The following GSTA1 variants were observed in gnomAD, a reference collection of about 807,000 sequenced individuals.
GSTA1 encodes glutathione S-transferase alpha 1.
A neutral mutation model predicts 21.5 loss-of-function variants in GSTA1; 23 were observed. The ratio of observed to expected loss-of-function variants is 1.07; its 90% CI spans 0.77 to 1.52. GSTA1 has a LOEUF of 1.52. Ranked by LOEUF, GSTA1 falls within the 40% of genes most tolerant of loss-of-function variation. GSTA1 has a pLI of 0.00. For missense variants in GSTA1, 301 were observed against 264.2 expected, an observed-to-expected ratio of 1.14 and a Z score of -0.96; for synonymous variants, 125 against 90.0, an observed-to-expected ratio of 1.39 and a Z score of -2.20.
Position 52,791,805 on chromosome 6 carries a change from G to A in GSTA1, c.*53C>T. On this transcript the variant is annotated 3_prime_UTR_variant, in exon 7 of 7. Transcript: ENST00000334575. ...CACTTAGGTAAAGTACTTTATTGTT[G>A]CAAAACTTTAGAACATTGGTATTGC... The A allele has an allele frequency of 6.2e-7, 1 of 1,608,964 alleles. No individual in the cohort carries two copies. The highest frequency in any genetic ancestry group is 1.7e-5 in the Admixed American group (1 of 59,366).
intron 5 of GSTA1, 62 bp downstream of exon 5, chr6:52,794,063 G>A (rs1203083196): frequency 1.0e-5 from 16 of 1,602,194 alleles, no homozygotes; most frequent in African/African-American, 1.3e-5. Flanking sequence ...GGAATGCCCA[G>A]CCACTATTTT....
At chr6:52,800,532 G>A (rs1200577335) in intron 1 of GSTA1, among the ~76,000 whole-genome samples, 1 of 152,228 alleles carries the variant, frequency 6.6e-6, no homozygotes, top group East Asian at 1.9e-4. Flanking sequence ...ACGTGTGCAT[G>A]CTCACTTGCT....
chr6:52,793,526 T>C (rs1328331659), intron 5 of GSTA1, among the ~76,000 whole-genome samples: 1 of 152,198 alleles, frequency 6.6e-6, no homozygotes. Flanking sequence ...TTCATCTTTC[T>C]TACAGCATTG....
chr6:52,794,040 G>A (rs1390081771), intron 5 of GSTA1, 85 bp downstream of exon 5: 4 of 1,524,840 alleles, frequency 2.6e-6, no homozygotes, highest in East Asian at 2.3e-5. Flanking sequence ...TGAAAGTGAA[G>A]ATCAGTGACC....
At chr6:52,798,827 A>G (rs1162777374) in intron 2 of GSTA1, among the ~76,000 whole-genome samples, 2 of 152,016 alleles carry the variant, frequency 1.3e-5, no homozygotes, top group Non-Finnish European at 2.9e-5. Flanking sequence ...ATAGTACATT[A>G]TCACACATGA....
chr6:52,797,544 T>C, intron 3 of GSTA1, 42 bp downstream of exon 3: 1 of 1,507,438 alleles, frequency 6.6e-7, no homozygotes, highest in African/African-American at 1.4e-5. Flanking sequence ...GTGTACCTTC[T>C]ACTAGATACC....
rs1214392586 is a variant in GSTA1, at chr6:52,795,200, T to C, written c.273-934A>G. Among the ~76,000 whole-genome samples the C allele has an allele frequency of 2.0e-5, 3 of 152,220 alleles. No homozygotes were observed. The East Asian group carries it at 5.8e-4, about 29-fold the overall frequency. ...TGGATTTGACTATCTGGACATTTCA[T>C]ACAAAAAGAATCCTATAATATGTGG... is the stretch of plus-strand genomic sequence containing the variant. On this transcript the variant is annotated intron_variant, in intron 4 of 6. Transcript: ENST00000334575.
chr6:52,801,732 G>T (rs1375775837), intron 1 of GSTA1, among the ~76,000 whole-genome samples: 1 of 152,134 alleles, frequency 6.6e-6, no homozygotes, highest in Non-Finnish European at 1.5e-5. Context: ...GATTTGCCAT[G>T]GGTCACACAC....
chr6:52,795,059 T>C (rs1365969930), intron 4 of GSTA1, among the ~76,000 whole-genome samples: 1 of 152,132 alleles, frequency 6.6e-6, no homozygotes, highest in African/African-American at 2.4e-5. Flanking sequence ...CACAGTCTAA[T>C]TGCAGAATTA....
chr6:52,793,031 G>C, intron 5 of GSTA1, 44 bp from the exon 6 acceptor site: 1 of 1,613,188 alleles, frequency 6.2e-7, no homozygotes. Context: ...TGCACACCCA[G>C]GCTAGGACCC....
chr6:52,801,190 G>C lies in GSTA1; in HGVS notation c.-30-1893C>G, dbSNP rs113210848. ...GCCACTGCACCCGGCCTCAACTAAT[G>C]TATTTCTAAAAAGGTATGTATGACT... is the stretch of plus-strand genomic sequence containing the variant. On this transcript the variant is annotated intron_variant, in intron 1 of 6. Coordinates refer to ENST00000334575, the MANE Select transcript of GSTA1 (RefSeq NM_145740.5). 9.5e-4 allele frequency among the ~76,000 whole-genome samples: 145 copies of C among 152,260 alleles called. 1 individual carries two copies. Among genetic ancestry groups the C allele is most frequent in the African/African-American group, 3.3e-3 (138 of 41,558 alleles).
At chr6:52,801,259 T>C (rs1442038530) in intron 1 of GSTA1, among the ~76,000 whole-genome samples, 3 of 152,194 alleles carry the variant, frequency 2.0e-5, no homozygotes, top group African/African-American at 7.2e-5. Context: ...TTTTAAAATA[T>C]GGGAGTCAAT....
At chr6:52,802,682 A>C (rs1191419889) in intron 1 of GSTA1, among the ~76,000 whole-genome samples, 2 of 152,138 alleles carry the variant, frequency 1.3e-5, no homozygotes, top group Admixed American at 1.3e-4. Context: ...TATTTTATCT[A>C]TCAATCGTTC....
chr6:52,795,526 T>G (rs1763556437), intron 4 of GSTA1, among the ~76,000 whole-genome samples: 1 of 152,170 alleles, frequency 6.6e-6, no homozygotes, highest in Non-Finnish European at 1.5e-5. Flanking sequence ...TATTAAAGTT[T>G]TTGAGGAGCT....
intron 4 of GSTA1, among the ~76,000 whole-genome samples, chr6:52,795,639 T>C (rs1280801887): frequency 6.6e-6 from 1 of 152,182 alleles, no homozygotes; most frequent in Non-Finnish European, 1.5e-5. Context: ...GGCTGTTTTG[T>C]GCTTCTATCC....
chr6:52,795,885 C>T (rs1215583194), intron 4 of GSTA1, among the ~76,000 whole-genome samples: 2 of 152,156 alleles, frequency 1.3e-5, no homozygotes, highest in Admixed American at 1.3e-4. Context: ...AAGTCCTGAG[C>T]ACCTGGAATC....
In GSTA1 at chr6:52,793,084, T is replaced by C. The variant is rs1214887488; in HGVS notation, c.415-97A>G. 4.5e-6 allele frequency: 7 copies of C among 1,563,624 alleles called. No individual in the cohort carries two copies. In the East Asian group the frequency reaches 1.4e-4, roughly 30 times the overall value. ...TCTCCACCCTGACTTTCCCCACCTC[T>C]GTTGCCTTACTGCATGGGTGCAGAA... On this transcript the variant is annotated intron_variant, in intron 5 of 6. Transcript: ENST00000334575.
chr6:52,791,957 G>A lies in GSTA1; in HGVS notation c.570C>T (p.Asn190=), dbSNP rs1355473026. Residue 190 remains asparagine (N), a synonymous_variant, in exon 7 of 7, where the codon AAC becomes AAT. Transcript: ENST00000334575. ...LLKALKTRIS[N]LPTVKKFLQP... ...GTAGAAACTTCTTCACTGTGGGCAG[G>A]TTGCTGATTCTGGTTTTCAGGGCCT... 7 of 1,613,946 alleles carry A rather than the reference G, an allele frequency of 4.3e-6. No individual in the cohort carries two copies. The highest frequency in any genetic ancestry group is 5.1e-6 in the Non-Finnish European group (6 of 1,179,852).
rs1131849 is a variant in GSTA1 at position 52,796,188 on chromosome 6, C to T, written c.266G>A (p.Arg89Lys). 9.3e-6 allele frequency: 15 copies of T among 1,613,402 alleles called. No homozygotes were observed. The highest frequency in any genetic ancestry group is 5.0e-5 in the Admixed American group (3 of 59,976). ...AACAGAAAATATACCGTACAGGGCT[C>T]TCTCCTTTATGTCTTTCCCATAGAG... The part of the protein sequence containing the change: ...YNLYGKDIKE[R>K]ALIDMYIEGI... The change falls in exon 4 of 7, where the codon AGA (arginine) becomes AAA (lysine). Residue 89 changes from arginine to lysine, a missense_variant. By Grantham distance (26) the Arg-to-Lys change is conservative (BLOSUM62 2). Transcript: ENST00000334575.
Sources: gnomAD v4.1 joint callset for allele counts (sites outside exome capture counted in the v4.1 genomes callset) on GRCh38, gnomAD v4.1.1 for gene constraint, MANE v1.5 for transcripts, NCBI Gene and HGNC (gene_info 2026-07-23, HGNC 2026-07-21) for gene names.